Variants in NLRP5 observed in about 807,000 individuals in gnomAD.
The protein encoded by NLRP5 is NLR family pyrin domain containing 5, also known as NACHT, LRR and PYD domains-containing protein 5.
A neutral mutation model predicts 113.1 loss-of-function variants in NLRP5; 93 were observed. The observed-to-expected ratio is 0.82, with a 90% CI of 0.70 to 0.98. NLRP5 has a LOEUF of 0.98. Ranked by LOEUF, NLRP5 falls within the 50% of genes least tolerant of loss-of-function variation. The pLI is 0.00. For missense variants in NLRP5, 1,808 were observed against 1,514.3 expected, an observed-to-expected ratio of 1.19 and a Z score of -3.22; for synonymous variants, 751 against 600.7, an observed-to-expected ratio of 1.25 and a Z score of -3.66.
At chr19:56,028,790 G>C (rs1445636270) in intron 7 of NLRP5, among the ~76,000 whole-genome samples, 1 of 152,142 alleles carries the variant, frequency 6.6e-6, no homozygotes, top group African/African-American at 2.4e-5. Flanking sequence ...TTTTAAGTCA[G>C]AGTCTCACTC....
intron 3 of NLRP5, among the ~76,000 whole-genome samples, chr19:56,015,399 T>C (rs1599883947): frequency 6.6e-6 from 1 of 152,214 alleles, no homozygotes; most frequent in East Asian, 1.9e-4. Context: ...TTTCACCATG[T>C]TGGCCAGGCT....
In NLRP5 at chr19:56,009,001, G is replaced by A. The variant is rs1230361140; in HGVS notation, c.508+148G>A. 9 of 720,922 alleles carry A rather than the reference G, an allele frequency of 1.2e-5. No homozygotes were observed. In the African/African-American group the frequency reaches 1.4e-4, roughly 11 times the overall value. The allele number at this position is 720,922 out of a possible 1,614,324, so 44.7% of individuals were successfully genotyped here. On this transcript the variant is annotated intron_variant, in intron 3 of 14. Transcript: ENST00000390649. ...TACATTAGCTGACCGGATGGGTTCT[G>A]AGGATCTGGTAATTCTGGTATTTCT...
chr19:56,050,313 C>A, intron 11 of NLRP5, 105 bp from the exon 12 acceptor site: 1 of 1,051,582 alleles, frequency 9.5e-7, no homozygotes. Context: ...TATGACCCCA[C>A]CCTACACAGA....
chr19:56,051,509 C>CT (rs1384944298), intron 12 of NLRP5, among the ~76,000 whole-genome samples: 1 of 152,156 alleles, frequency 6.6e-6, no homozygotes, highest in East Asian at 1.9e-4. Context: ...TTAATGCATT[C>CT]TTAACATGTG....
At chr19:56,061,267 C>A (rs79395320) in intron 14 of NLRP5, 129 bp from the exon 15 acceptor site, 1 of 928,926 alleles carries the variant, frequency 1.1e-6, no homozygotes, top group Non-Finnish European at 1.6e-6. Context: ...TGGTTTAACT[C>A]TTTGGGGCAC....
chr19:56,043,856 CG>C (rs201853908), intron 11 of NLRP5, among the ~76,000 whole-genome samples: 5,078 of 151,644 alleles, frequency 0.033, 116 homozygotes, highest in South Asian at 0.12. Flanking sequence ...GGATTACAGG[CG>C]TGAGCCACCA....
intron 6 of NLRP5, among the ~76,000 whole-genome samples, chr19:56,025,506 T>G (rs192225941): frequency 1.3e-5 from 2 of 152,020 alleles, no homozygotes; most frequent in Non-Finnish European, 1.5e-5. Context: ...TCTGCGTTCA[T>G]GACTTTCTCC....
chr19:56,057,444 T>C (rs1055092071), intron 13 of NLRP5, among the ~76,000 whole-genome samples: 10 of 152,206 alleles, frequency 6.6e-5, no homozygotes, highest in Non-Finnish European at 1.3e-4. Flanking sequence ...TGGGACTCTT[T>C]TCTAGCCATC....
intron 2 of NLRP5, among the ~76,000 whole-genome samples, chr19:56,005,636 A>ACG (rs1340176209): frequency 1.3e-4 from 18 of 142,100 alleles, no homozygotes; most frequent in Non-Finnish European, 2.0e-4. Flanking sequence ...ACACACACAC[A>ACG]CACACACGCG....
At position 56,055,537 on chromosome 19, in the gene NLRP5, C is replaced by CTTTTTTTTTTTTTTTTTT. The variant is rs1160965587; in HGVS notation, c.3299+1738_3299+1755dup. 5.1e-4 allele frequency among the ~76,000 whole-genome samples: 39 copies of CTTTTTTTTTTTTTTTTTT among 76,454 alleles called. 6 individuals are homozygous for CTTTTTTTTTTTTTTTTTT. The highest frequency in any genetic ancestry group is 8.0e-4 in the Non-Finnish European group (34 of 42,276). The allele number at this position is 76,454 out of a possible 152,430, so 50.2% of individuals were successfully genotyped here. A position where few individuals can be genotyped will look rare whatever the true frequency, so the allele number is the denominator to read the frequency against. On this transcript the variant is annotated intron_variant, in intron 13 of 14. Transcript: ENST00000390649. ...CCATGTTCTATTTTTCTTTCTCTGT[C>CTTTTTTTTTTTTTTTTTT]TTTTTTTTTTTTTTTTTTTTTTTTT...
intron 3 of NLRP5, among the ~76,000 whole-genome samples, chr19:56,009,091 T>G (rs1982071915): frequency 6.6e-6 from 1 of 151,826 alleles, no homozygotes; most frequent in African/African-American, 2.4e-5. Context: ...GTAATCCCAG[T>G]ACTTTGGGAG....
At chr19:55,992,229 A>C in the NLRP5 span, among the ~76,000 whole-genome samples, 1 of 151,966 alleles carries the variant, frequency 6.6e-6, no homozygotes, top group East Asian at 1.9e-4. Flanking sequence ...ATAGTATTCC[A>C]TGGTGTACGT....
At chr19:56,048,205 T>C (rs1227344424) in intron 11 of NLRP5, among the ~76,000 whole-genome samples, 1 of 152,226 alleles carries the variant, frequency 6.6e-6, no homozygotes. Context: ...TTGGACCGTT[T>C]ACATTCAGTG....
At chr19:56,034,069 G>T (rs543934661) in intron 9 of NLRP5, among the ~76,000 whole-genome samples, 2 of 152,152 alleles carry the variant, frequency 1.3e-5, no homozygotes, top group African/African-American at 4.8e-5. Flanking sequence ...CATACCCAGC[G>T]AGATTTTAAT....
chr19:56,026,493 ACTCC>A (rs1982853381), intron 6 of NLRP5, among the ~76,000 whole-genome samples: 1 of 116,690 alleles, frequency 8.6e-6, no homozygotes, highest in Admixed American at 1.1e-4. Flanking sequence ...GCGCCACTGC[ACTCC>A]AGCCTGGGTG....
In NLRP5 at chr19:56,028,372, G is replaced by A. The variant is rs150731041; in HGVS notation, c.2139G>A (p.Pro713=). The A allele has an allele frequency of 5.7e-5, 92 of 1,613,946 alleles. No homozygotes were observed. In the African/African-American group the frequency reaches 7.7e-4, roughly 14 times the overall value. ...ACAGCTTCCAAGAAGTGTGGCTTCCGATTAACCAGAACCTGGACTTGATAG... is the reference window on the plus strand; with the variant it reads ...ACAGCTTCCAAGAAGTGTGGCTTCCAATTAACCAGAACCTGGACTTGATAG... The change falls in exon 7 of 15, where the codon CCG becomes CCA. Residue 713 remains proline, a synonymous_variant. Coordinates refer to ENST00000390649, the MANE Select transcript of NLRP5 (RefSeq NM_153447.4).
At chr19:56,040,790 G>A (rs1413817084) in intron 10 of NLRP5, 132 bp from the exon 11 acceptor site, 9 of 691,042 alleles carry the variant, frequency 1.3e-5, no homozygotes, top group Non-Finnish European at 2.2e-5. Context: ...GAGAGGATGC[G>A]ACTTCACCAT....
chr19:56,036,055 A>ATTTTTTTTTTTTTT (rs1261118713), intron 9 of NLRP5, among the ~76,000 whole-genome samples: 3 of 90,580 alleles, frequency 3.3e-5, no homozygotes, highest in African/African-American at 9.8e-5. Context: ...ATGAATTGAG[A>ATTTTTTTTTTTTTT]TTCTTTTTTT....
chr19:56,022,861 A>AT (rs1982669677), intron 6 of NLRP5, among the ~76,000 whole-genome samples: 1 of 152,144 alleles, frequency 6.6e-6, no homozygotes, highest in African/African-American at 2.4e-5. Context: ...AGTAGCTGGG[A>AT]TTACAGGCAT....
Sources: allele counts gnomAD v4.1 joint callset (sites outside exome capture counted in the v4.1 genomes callset), GRCh38; gene constraint gnomAD v4.1.1; transcripts MANE v1.5; gene names NCBI Gene and HGNC (gene_info 2026-07-23, HGNC 2026-07-21).